The following ESPL1 variants were observed in gnomAD, a reference collection of about 807,000 sequenced individuals.
ESPL1 encodes extra spindle pole bodies like 1, separase.
A neutral mutation model predicts 217.2 loss-of-function variants in ESPL1; 50 were observed. That is an observed-to-expected ratio of 0.23 (90% CI 0.18 to 0.29). The LOEUF is 0.29. Ranked by LOEUF, ESPL1 falls within the 10% of genes least tolerant of loss-of-function variation. ESPL1 has a pLI of 1.00. For synonymous variants in ESPL1, 994 were observed against 1,081.3 expected, an observed-to-expected ratio of 0.92 and a Z score of 1.58; for missense variants, 1,834 against 2,603.0, an observed-to-expected ratio of 0.70 and a Z score of 6.43.
chr12:53,290,239 G>C (rs748468077), intron 23 of ESPL1, 27 bp downstream of exon 23: 1 of 1,613,152 alleles, frequency 6.2e-7, no homozygotes, highest in African/African-American at 1.3e-5. Flanking sequence ...ATGGAGCAAA[G>C]TTGGGCTGGA....
Position 53,282,515 on chromosome 12 carries a change from C to A in ESPL1, c.2791+80C>A. The A allele has an allele frequency of 7.5e-7, 1 of 1,329,008 alleles. No homozygotes were observed. The highest frequency in any genetic ancestry group is 1.1e-6 in the Non-Finnish European group (1 of 946,830). The allele number at this position is 1,329,008 out of a possible 1,614,324, so 82.3% of individuals were successfully genotyped here. On this transcript the variant is annotated intron_variant, in intron 14 of 30. Coordinates refer to ENST00000257934, the MANE Select transcript of ESPL1 (RefSeq NM_012291.5). This position sits in a 1 kb window ranked among gnomAD's most constrained non-coding sequence, Gnocchi z 4.0. ...GTCAGCTCTTCTCAAACCTCATCCC[C>A]TCTGCTGGCTAACTATGTGGCCCAG...
At position 53,290,370 on chromosome 12, in the gene ESPL1, T is replaced by C. The variant is rs1209719852; in HGVS notation, c.5265T>C (p.Asn1755=). The C allele has an allele frequency of 8.1e-6, 13 of 1,613,232 alleles. No individual in the cohort carries two copies. The highest frequency in any genetic ancestry group is 1.3e-5 in the African/African-American group (1 of 75,054). ...AGCTTCATCTGCGTTCAGTCCTGAA[T>C]GAGTTTGATGCCATCCAGAAGGCAC... ...QNKLHLRSVL[N]EFDAIQKAQK... is the part of the protein sequence containing the mutation. Residue 1755 remains asparagine (N), a synonymous_variant, in exon 24 of 31, where the codon AAT becomes AAC. Transcript: ENST00000257934.
At position 53,277,931 on chromosome 12, in the gene ESPL1, C is replaced by T; in HGVS notation, c.2335C>T (p.Leu779=). 1.2e-6 allele frequency: 2 copies of T among 1,613,988 alleles called. No individual in the cohort carries two copies. The highest frequency in any genetic ancestry group is 2.2e-5 in the South Asian group (2 of 91,076). ...LQQTAASLQI[L]AALYQLVAKP... is the part of the protein sequence containing the mutation. ...GCAGACAGCAGCCTCACTGCAGATC[C>T]TAGCAGCCCTCTACCAGCTGGTGGC... The change falls in exon 11 of 31, where the codon CTA becomes TTA. Residue 779 remains leucine (L), a synonymous_variant. Coordinates refer to ENST00000257934, the MANE Select transcript of ESPL1 (RefSeq NM_012291.5).
chr12:53,286,319 G>T lies in ESPL1; in HGVS notation c.3583G>T (p.Ala1195Ser), dbSNP rs200640004. ...CGTGCTGAAGGGCTGTCCTGAAGCC[G>T]CTGAGCGCCTCACCCAAGCTCTCCA... ...QVVLKGCPEA[A>S]ERLTQALQAS... is the part of the protein sequence containing the mutation. Residue 1195 changes from alanine to serine, a missense_variant, in exon 18 of 31, where the codon GCT becomes TCT. Around this residue, in one of 5 missense-constraint regions of ESPL1, gnomAD observed 681 missense variants for 808.0 expected, o/e 0.84. Transcript: ENST00000257934. This position sits in a 1 kb window ranked among gnomAD's most constrained non-coding sequence, Gnocchi z 5.3. 3 of 1,614,050 alleles carry T rather than the reference G, an allele frequency of 1.9e-6. No homozygotes were observed. In the African/African-American group the frequency reaches 4.0e-5, roughly 22 times the overall value.
Position 53,293,204 on chromosome 12 carries a change from C to A in ESPL1, c.6162-69C>A. 7.4e-7 allele frequency: 1 copy of A among 1,345,744 alleles called. No homozygotes were observed. Among genetic ancestry groups the A allele is most frequent in the Non-Finnish European group, 1.1e-6 (1 of 938,604 alleles). The allele number at this position is 1,345,744 out of a possible 1,614,324, so 83.4% of individuals were successfully genotyped here. ...CCTCTCCACTCACCCACCCCCACCA[C>A]CAATGGTGTTTTCCTATGTATTCTG... is the stretch of plus-strand genomic sequence containing the variant. On this transcript the variant is annotated intron_variant, in intron 30 of 30. Coordinates refer to ENST00000257934, the MANE Select transcript of ESPL1 (RefSeq NM_012291.5). The surrounding 1 kb of genome is among the most constrained non-coding windows in gnomAD (Gnocchi z 4.2).
intron 20 of ESPL1, 51 bp downstream of exon 20, chr12:53,288,750 G>C: frequency 6.5e-7 from 1 of 1,528,704 alleles, no homozygotes; most frequent in African/African-American, 1.4e-5. Flanking sequence ...TGAGCCTCTA[G>C]GGCTTTTGAC....
chr12:53,277,846 C>T lies in ESPL1; in HGVS notation c.2250C>T (p.Ala750=), dbSNP rs774283011. Reference sequence around the variant, plus strand: ...CTCAGTCCAAATGCCTGGACCAAGCCCTGGCCCTGTGGAAGGAGCTGCTTA... The same window carrying T: ...CTCAGTCCAAATGCCTGGACCAAGCTCTGGCCCTGTGGAAGGAGCTGCTTA... ...DAAQSKCLDQ[A]LALWKELLTK... is the part of the protein sequence containing the mutation. Residue 750 remains alanine (A), a synonymous_variant, in exon 11 of 31, where the codon GCC becomes GCT. Coordinates refer to ENST00000257934, the MANE Select transcript of ESPL1 (RefSeq NM_012291.5). The T allele has an allele frequency of 1.2e-6, 2 of 1,614,178 alleles. No homozygotes were observed. The highest frequency in any genetic ancestry group is 1.1e-5 in the South Asian group (1 of 91,086).
intron 12 of ESPL1, among the ~76,000 whole-genome samples, chr12:53,281,134 CTTT>C (rs71068103): frequency 4.1e-5 from 3 of 72,424 alleles, no homozygotes; most frequent in Non-Finnish European, 5.3e-5. Flanking sequence ...CTTTACTCCA[CTTT>C]TTTTTTTTTT....
chr12:53,269,341 C>A lies in ESPL1; in HGVS notation c.399C>A (p.Arg133=), dbSNP rs774470549. ...PLHACLVQCS[R]EAAPQDYEAV... The stretch of plus-strand genomic sequence containing the variant: ...ATGCCTGCTTGGTGCAGTGCTCTCG[C>A]GAGGCTGCTCCCCAGGACTATGAGG... The change falls in exon 3 of 31, where the codon CGC becomes CGA. Residue 133 remains arginine (R), a synonymous_variant. Coordinates refer to ENST00000257934, the MANE Select transcript of ESPL1 (RefSeq NM_012291.5). This position sits in a 1 kb window ranked among gnomAD's most constrained non-coding sequence, Gnocchi z 6.7. The A allele has an allele frequency of 1.2e-6, 2 of 1,614,098 alleles. No homozygotes were observed. The highest frequency in any genetic ancestry group is 1.7e-6 in the Non-Finnish European group (2 of 1,180,020).
chr12:53,289,245 G>A lies in ESPL1; in HGVS notation c.4864G>A (p.Glu1622Lys). ...TTATGCCACTGCTTTCCTTGTCACC[G>A]AGTCTGTCTCCATCACCTGTCGCCA... ...DPYATAFLVTESVSITCRHQL... is the reference protein window; with the variant it reads ...DPYATAFLVTKSVSITCRHQL... The change falls in exon 21 of 31, where the codon GAG becomes AAG. Residue 1622 changes from glutamate to lysine, a missense_variant. Around this residue, in one of 5 missense-constraint regions of ESPL1, gnomAD observed 681 missense variants for 808.0 expected, o/e 0.84. Transcript: ENST00000257934. The A allele has an allele frequency of 1.2e-6, 2 of 1,612,598 alleles. No individual in the cohort carries two copies. Among genetic ancestry groups the A allele is most frequent in the Non-Finnish European group, 1.7e-6 (2 of 1,180,014 alleles).
chr12:53,276,070 G>A (rs1943761097), intron 7 of ESPL1, among the ~76,000 whole-genome samples: 1 of 152,168 alleles, frequency 6.6e-6, no homozygotes, highest in Non-Finnish European at 1.5e-5. Flanking sequence ...GAATGTGGTG[G>A]CATGAACCTA....
At position 53,292,911 on chromosome 12, in the gene ESPL1, G is replaced by A. The variant is rs1448769072; in HGVS notation, c.6102G>A (p.Leu2034=). The change falls in exon 30 of 31, where the codon CTG becomes CTA. Residue 2034 remains leucine (L), a synonymous_variant. Transcript: ENST00000257934. This position sits in a 1 kb window ranked among gnomAD's most constrained non-coding sequence, Gnocchi z 4.5. ...ALLFGCSSAA[L]AVRGNLEGAG... The stretch of plus-strand genomic sequence containing the variant: ...TGTTTGGCTGTAGCAGTGCGGCCCT[G>A]GCTGTGCGTGGAAACCTGGAGGGGG... The A allele has an allele frequency of 6.2e-7, 1 of 1,613,858 alleles. No individual in the cohort carries two copies. Among genetic ancestry groups the A allele is most frequent in the Non-Finnish European group, 8.5e-7 (1 of 1,180,032 alleles).
rs3214023 is a variant in ESPL1, at chr12:53,289,202, C to T, written c.4821C>T (p.Cys1607=). The change falls in exon 21 of 31, where the codon TGC becomes TGT. Residue 1607 remains cysteine, a synonymous_variant. Transcript: ENST00000257934. Reference sequence around the variant, plus strand: ...ACCTCTGCCGCTTCCTGGCCTTGTGCCTGGGCCACCGGGATCCTTATGCCA... The same window carrying T: ...ACCTCTGCCGCTTCCTGGCCTTGTGTCTGGGCCACCGGGATCCTTATGCCA... The part of the protein sequence containing the change: ...YAHLCRFLAL[C]LGHRDPYATA... 0.58 allele frequency: 929,310 copies of T among 1,613,598 alleles called. 271,960 individuals carry two copies. The highest frequency in any genetic ancestry group is 0.61 in the Non-Finnish European group (716,291 of 1,179,862).
In ESPL1 at chr12:53,293,180, C is replaced by T. The variant is rs1404703635; in HGVS notation, c.6162-93C>T. 6.0e-6 allele frequency: 7 copies of T among 1,163,978 alleles called. No homozygotes were observed. In the African/African-American group the frequency reaches 1.1e-4, roughly 18 times the overall value. 72.1% of individuals were successfully genotyped at this position (1,163,978 alleles called of 1,614,324 possible). On this transcript the variant is annotated intron_variant, in intron 30 of 30. Coordinates refer to ENST00000257934, the MANE Select transcript of ESPL1 (RefSeq NM_012291.5). This position sits in a 1 kb window ranked among gnomAD's most constrained non-coding sequence, Gnocchi z 4.2. ...AAAGGAGTTTCTCATTGGTTCAATC[C>T]TCTCCACTCACCCACCCCCACCACC... is the stretch of plus-strand genomic sequence containing the variant.
chr12:53,286,401 T>C lies in ESPL1; in HGVS notation c.3665T>C (p.Ile1222Thr), dbSNP rs781604008. 1.2e-6 allele frequency: 2 copies of C among 1,614,168 alleles called. No homozygotes were observed. Among genetic ancestry groups the C allele is most frequent in the Non-Finnish European group, 1.7e-6 (2 of 1,180,032 alleles). Residue 1222 changes from isoleucine to threonine, a missense_variant, in exon 18 of 31, where the codon ATC (isoleucine) becomes ACC (threonine). Transcript: ENST00000257934. The surrounding 1 kb of genome is among the most constrained non-coding windows in gnomAD (Gnocchi z 5.3). The part of the protein sequence containing the change: ...PSLVPSLLDE[I>T]LAQAYTLLAL... The stretch of plus-strand genomic sequence containing the variant: ...TTGGTTCCAAGCCTCTTGGATGAGA[T>C]CTTGGCTCAAGCATACACACTGTTG...
At position 53,283,323 on chromosome 12, in the gene ESPL1, T is replaced by A. The variant is rs1462722743; in HGVS notation, c.2921-59T>A. The A allele has an allele frequency of 1.6e-5, 26 of 1,611,794 alleles. No homozygotes were observed. The Admixed American group carries it at 1.8e-4, about 11-fold the overall frequency. ...AGGCTATGTGAGAGGGCTGCGGTTT[T>A]TTCTCCAGAGGATCCACACTGTGGC... On this transcript the variant is annotated intron_variant, in intron 15 of 30. Transcript: ENST00000257934.
chr12:53,292,467 G>GA lies in ESPL1; in HGVS notation c.5912+77dup. On this transcript the variant is annotated intron_variant, in intron 28 of 30. Transcript: ENST00000257934. This position sits in a 1 kb window ranked among gnomAD's most constrained non-coding sequence, Gnocchi z 4.5. ...ACAGGGGCAACAAGCCTTTTCTCCA[G>GA]AAACAGCTGTTGCAGCCCACCTTCT... 7.1e-7 allele frequency: 1 copy of GA among 1,410,270 alleles called. No individual in the cohort carries two copies. Among genetic ancestry groups the GA allele is most frequent in the Non-Finnish European group, 1.0e-6 (1 of 994,522 alleles). 87.4% of individuals were successfully genotyped at this position (1,410,270 alleles called of 1,614,324 possible). A position where few individuals can be genotyped will look rare whatever the true frequency, so the allele number is the denominator to read the frequency against.
At position 53,291,759 on chromosome 12, in the gene ESPL1, A is replaced by G. The variant is rs368685698; in HGVS notation, c.5590A>G (p.Thr1864Ala). 1.4e-4 allele frequency: 228 copies of G among 1,613,582 alleles called. No individual in the cohort carries two copies. Among genetic ancestry groups the G allele is most frequent in the Non-Finnish European group, 1.9e-4 (223 of 1,179,880 alleles). ...GGCCCTGGCCTACGGGCTGTGCCCA[A>G]CCCAGCCAGAGCGAGCCCAGGAGCT... is the stretch of plus-strand genomic sequence containing the variant. ...IQALAYGLCP[T>A]QPERAQELLN... The change falls in exon 26 of 31, where the codon ACC (threonine) becomes GCC (alanine). Residue 1864 changes from threonine to alanine, a missense_variant. This residue lies in a region of ESPL1 where 295 missense variants were observed against 519.8 expected (regional missense o/e 0.57). Transcript: ENST00000257934.
chr12:53,291,632 C>T, intron 25 of ESPL1, 58 bp from the exon 26 acceptor site: 1 of 1,537,028 alleles, frequency 6.5e-7, no homozygotes. Context: ...TGGACTTAAT[C>T]CTTTCCCAGC....
Sources: gnomAD v4.1 joint callset for allele counts (sites outside exome capture counted in the v4.1 genomes callset) on GRCh38, gnomAD v4.1.1 for gene constraint, gnomAD v4.1.1 regional missense constraint, Gnocchi (gnomAD v3.1) non-coding constraint, MANE v1.5 for transcripts, NCBI Gene and HGNC (gene_info 2026-07-23, HGNC 2026-07-21) for gene names.